The following THRB variants were observed in gnomAD, a reference collection of about 807,000 sequenced individuals.
THRB encodes the protein thyroid hormone receptor beta.
Under a neutral mutation model 47.8 loss-of-function variants are expected in THRB, and 12 were observed. That is an observed-to-expected ratio of 0.25 (90% confidence interval 0.16 to 0.41). The LOEUF is 0.41. Ranked by LOEUF, THRB falls within the 10% of genes least tolerant of loss-of-function variation. The pLI is 1.00. For synonymous variants in THRB, 218 were observed against 212.2 expected (o/e 1.03, Z -0.24); for missense variants, 348 against 589.2 (o/e 0.59, Z 4.24).
intron 1 of THRB, among the ~76,000 whole-genome samples, chr3:24,398,739 A>G (rs1035806053): frequency 2.0e-5 from 3 of 152,186 alleles, no homozygotes; most frequent in Non-Finnish European, 4.4e-5. Flanking sequence ...TATATACCCA[A>G]AGGATTATAA....
chr3:24,444,210 A>G (rs1317317286), intron 1 of THRB, among the ~76,000 whole-genome samples: 4 of 152,186 alleles, frequency 2.6e-5, no homozygotes, highest in African/African-American at 9.6e-5. Context: ...ATAATCAACA[A>G]AGAAGAGATA....
intron 1 of THRB, among the ~76,000 whole-genome samples, chr3:24,447,507 T>C (rs1189890004): frequency 6.6e-6 from 1 of 152,148 alleles, no homozygotes; most frequent in Non-Finnish European, 1.5e-5. Flanking sequence ...TGTTAATATA[T>C]TAATAAGTTC....
At chr3:24,248,110 A>G (rs953274374) in intron 3 of THRB, among the ~76,000 whole-genome samples, 1 of 152,130 alleles carries the variant, frequency 6.6e-6, no homozygotes, top group Non-Finnish European at 1.5e-5. Context: ...AGAAAATTAG[A>G]ACTTCTATTA....
At chr3:24,207,408 C>G (rs1038330927) in intron 4 of THRB, among the ~76,000 whole-genome samples, 1 of 152,186 alleles carries the variant, frequency 6.6e-6, no homozygotes, top group African/African-American at 2.4e-5. Context: ...ATGATTATCT[C>G]AATAGATGCA....
At chr3:24,223,121 A>G (rs770938733) in intron 4 of THRB, among the ~76,000 whole-genome samples, 3 of 152,168 alleles carry the variant, frequency 2.0e-5, no homozygotes, top group Non-Finnish European at 4.4e-5. Flanking sequence ...ATCAGTCCTA[A>G]GGCCTGGGGA....
intron 1 of THRB, among the ~76,000 whole-genome samples, chr3:24,469,861 T>C (rs2074426699): frequency 6.6e-6 from 1 of 152,212 alleles, no homozygotes; most frequent in Non-Finnish European, 1.5e-5. Context: ...TTTTAGAATC[T>C]GCATAAAGTT....
At chr3:24,255,571 A>G (rs1371702717) in intron 3 of THRB, among the ~76,000 whole-genome samples, 1 of 152,224 alleles carries the variant, frequency 6.6e-6, no homozygotes, top group Non-Finnish European at 1.5e-5. Context: ...TGAGACTCCC[A>G]GAAGTGCCAA....
chr3:24,457,406 T>C (rs751316700), intron 1 of THRB, among the ~76,000 whole-genome samples: 13 of 152,180 alleles, frequency 8.5e-5, no homozygotes, highest in Non-Finnish European at 1.9e-4. Flanking sequence ...CAGGTATAGA[T>C]GCATAAAAGA....
chr3:24,185,978 C>T (rs2042519831), intron 5 of THRB, among the ~76,000 whole-genome samples: 1 of 152,132 alleles, frequency 6.6e-6, no homozygotes, highest in Non-Finnish European at 1.5e-5. Flanking sequence ...TTCCAGCTGG[C>T]AATTGAGATA....
chr3:24,482,536 TCC>T lies in THRB; in HGVS notation c.-261+12114_-261+12115del, dbSNP rs1414589541. Among the ~76,000 whole-genome samples, 532 of 143,544 alleles carry T rather than the reference TCC, an allele frequency of 3.7e-3. 4 individuals are homozygous for T. Among genetic ancestry groups the T allele is most frequent in the African/African-American group, 0.012 (441 of 36,182 alleles). 94.2% of individuals were successfully genotyped at this position (143,544 alleles called of 152,430 possible). ...CGTTCTTTCTTTCTTTCTTTCTGTC[TCC>T]CTCTCTCTCTCTCTCTCTCTCTCTC... On this transcript the variant is annotated intron_variant, in intron 1 of 10. Transcript: ENST00000646209.
rs2055740808 is a variant in THRB, at chr3:24,289,867, T to A, written c.-43+7359A>T. Among the ~76,000 whole-genome samples the A allele has an allele frequency of 2.0e-5, 3 of 152,198 alleles. No homozygotes were observed. In the South Asian group the frequency reaches 6.2e-4, roughly 32 times the overall value. Reference sequence around the variant, plus strand: ...CCTCAGAGTATTGGGATGTTCCCTATCATGGTGACAAACCTAAAATCTCTT... The same window carrying A: ...CCTCAGAGTATTGGGATGTTCCCTAACATGGTGACAAACCTAAAATCTCTT... On this transcript the variant is annotated intron_variant, in intron 3 of 10. Coordinates refer to ENST00000646209, the MANE Select transcript of THRB (RefSeq NM_001354712.2).
chr3:24,365,515 A>G (rs1258374555), intron 1 of THRB, among the ~76,000 whole-genome samples: 1 of 152,206 alleles, frequency 6.6e-6, no homozygotes, highest in Non-Finnish European at 1.5e-5. Flanking sequence ...GCCATAGATA[A>G]GATACTTTGT....
intron 1 of THRB, among the ~76,000 whole-genome samples, chr3:24,385,439 G>A (rs529245522): frequency 2.9e-3 from 421 of 147,446 alleles, no homozygotes; most frequent in Admixed American, 6.0e-3. Context: ...ACACACACAC[G>A]CACGGCATTT....
chr3:24,351,551 C>T (rs973628668), intron 1 of THRB, among the ~76,000 whole-genome samples: 4 of 152,080 alleles, frequency 2.6e-5, no homozygotes, highest in Non-Finnish European at 4.4e-5. Context: ...TTGTTGTTAG[C>T]CTTGTTTTCC....
intron 2 of THRB, among the ~76,000 whole-genome samples, chr3:24,307,729 T>C (rs1686183053): frequency 1.3e-5 from 2 of 152,204 alleles, no homozygotes; most frequent in Non-Finnish European, 2.9e-5. Flanking sequence ...ATACTATTGA[T>C]ATGACTGCAA....
chr3:24,163,860 G>T (rs1395297113), intron 5 of THRB, among the ~76,000 whole-genome samples: 2 of 151,894 alleles, frequency 1.3e-5, no homozygotes, highest in East Asian at 3.9e-4. Flanking sequence ...TCTAGTTTTT[G>T]TTTTTATAAA....
chr3:24,133,170 GA>G, intron 9 of THRB, 145 bp downstream of exon 9: 1 of 805,632 alleles, frequency 1.2e-6, no homozygotes, highest in Non-Finnish European at 2.0e-6. Flanking sequence ...AAATGAAATA[GA>G]ATGCATTTTC....
At chr3:24,443,430 G>A (rs1349672680) in intron 1 of THRB, among the ~76,000 whole-genome samples, 1 of 152,070 alleles carries the variant, frequency 6.6e-6, no homozygotes, top group Non-Finnish European at 1.5e-5. Context: ...TTCCATAGGT[G>A]CAGAACACAG....
chr3:24,317,716 A>C (rs1284850603), intron 2 of THRB, among the ~76,000 whole-genome samples: 1 of 152,238 alleles, frequency 6.6e-6, no homozygotes, highest in Non-Finnish European at 1.5e-5. Context: ...TTGGTTCTAA[A>C]CTGTTAAATA....
Sources: allele counts gnomAD v4.1 joint callset (sites outside exome capture counted in the v4.1 genomes callset), GRCh38; gene constraint gnomAD v4.1.1; transcripts MANE v1.5; gene names NCBI Gene and HGNC (gene_info 2026-07-23, HGNC 2026-07-21).